Variants in ADAMTS14 observed in about 807,000 individuals in gnomAD.
ADAMTS14 encodes A disintegrin and metalloproteinase with thrombospondin motifs 14.
Under a neutral mutation model 128.6 loss-of-function variants are expected in ADAMTS14, and 100 were observed. That is an observed-to-expected ratio of 0.78 (90% CI 0.66 to 0.92). The LOEUF is 0.92. Among genes scored for constraint, ADAMTS14 ranks in the 40% least tolerant of loss-of-function variants. ADAMTS14 has a pLI of 0.00. For missense variants in ADAMTS14, 1,562 were observed against 1,658.6 expected, an observed-to-expected ratio of 0.94 and a Z score of 1.01; for synonymous variants, 665 against 653.8, an observed-to-expected ratio of 1.02 and a Z score of -0.26.
rs1283378757 is a variant in ADAMTS14, at chr10:70,672,869, G to A, written c.67G>A (p.Gly23Ser). ...GCACTGTGCGCTCTGCGCCGCCGCG[G>A]GCAGCCGGACCCCAGGTGCGTGCGG... ...PLHCALCAAA[G>S]SRTPELHLSG... The change falls in exon 1 of 22, where the codon GGC (glycine) becomes AGC (serine). Residue 23 changes from glycine to serine, a missense_variant. Transcript: ENST00000373207. The A allele has an allele frequency of 4.0e-6, 6 of 1,501,048 alleles. No individual in the cohort carries two copies. Among genetic ancestry groups the A allele is most frequent in the East Asian group, 2.8e-5 (1 of 36,288 alleles). 93.0% of individuals were successfully genotyped at this position (1,501,048 alleles called of 1,614,324 possible). A position where few individuals can be genotyped will look rare whatever the true frequency, so the allele number is the denominator to read the frequency against.
chr10:70,699,441 T>A (rs892327375), intron 2 of ADAMTS14, among the ~76,000 whole-genome samples: 32 of 152,162 alleles, frequency 2.1e-4, no homozygotes, highest in African/African-American at 7.5e-4. Flanking sequence ...GTTAGGAGTG[T>A]CCCTACACAG....
intron 16 of ADAMTS14, among the ~76,000 whole-genome samples, chr10:70,751,074 A>ATACT (rs1842334617): frequency 6.6e-6 from 1 of 152,218 alleles, no homozygotes; most frequent in Admixed American, 6.5e-5. Flanking sequence ...ATGGGGGAAA[A>ATACT]TACTTGCAAG....
At chr10:70,714,818 C>T (rs7078979) in intron 4 of ADAMTS14, among the ~76,000 whole-genome samples, 88,509 of 151,256 alleles carry the variant, frequency 0.59, 26,940 homozygotes, top group East Asian at 0.8. Context: ...TGTGGTGGTG[C>T]GCCTGTAGTT....
chr10:70,735,441 C>A, intron 9 of ADAMTS14, 140 bp downstream of exon 9: 1 of 1,266,858 alleles, frequency 7.9e-7, no homozygotes, highest in Non-Finnish European at 1.1e-6. Context: ...CAGTGCCAGC[C>A]ACCATGCAGG....
chr10:70,686,758 A>T (rs565530977), intron 2 of ADAMTS14, among the ~76,000 whole-genome samples: 1 of 51,646 alleles, frequency 1.9e-5, no homozygotes, highest in Non-Finnish European at 4.1e-5. Context: ...TATTCCACAA[A>T]GCCGCCATTG....
intron 4 of ADAMTS14, among the ~76,000 whole-genome samples, chr10:70,711,022 C>G (rs1840839076): frequency 6.6e-6 from 1 of 152,174 alleles, no homozygotes; most frequent in Non-Finnish European, 1.5e-5. Flanking sequence ...GGCAGGGGAC[C>G]TGTGTTGCTC....
rs1233142374 is a variant in ADAMTS14 at position 70,720,679 on chromosome 10, CACAT to C, written c.871-8611_871-8608del. Among the ~76,000 whole-genome samples the C allele has an allele frequency of 1.4e-4, 21 of 152,354 alleles. No individual in the cohort carries two copies. The East Asian group carries it at 3.9e-3, about 28-fold the overall frequency. On this transcript the variant is annotated intron_variant, in intron 4 of 21. Coordinates refer to ENST00000373207, the MANE Select transcript of ADAMTS14 (RefSeq NM_080722.4). ...ATCCACATACATGCACATGTGTACA[CACAT>C]ACAACACAGGTACCCACACACATGC... is the stretch of plus-strand genomic sequence containing the variant.
intron 21 of ADAMTS14, among the ~76,000 whole-genome samples, chr10:70,759,128 C>CTTTTTTTTTTTTTTTTTTTTTT (rs1564563824): frequency 3.0e-5 from 1 of 32,900 alleles, no homozygotes; most frequent in Non-Finnish European, 7.4e-5. Context: ...CTCCAATCTT[C>CTTTTTTTTTTTTTTTTTTTTTT]TACTTCTCTG....
In ADAMTS14 at chr10:70,748,670, C is replaced by T. The variant is rs1842257600; in HGVS notation, c.2264-1152C>T. On this transcript the variant is annotated intron_variant, in intron 15 of 21. Coordinates refer to ENST00000373207, the MANE Select transcript of ADAMTS14 (RefSeq NM_080722.4). The stretch of plus-strand genomic sequence containing the variant: ...CCATCTGTATTAACAATAGCCCAGC[C>T]CTTAGGATGTATTTAAGGATTGAAC... 3.3e-5 allele frequency among the ~76,000 whole-genome samples: 5 copies of T among 152,296 alleles called. No homozygotes were observed. In the South Asian group the frequency reaches 1.0e-3, roughly 32 times the overall value.
chr10:70,727,866 C>T (rs766401765), intron 4 of ADAMTS14, among the ~76,000 whole-genome samples: 5 of 152,208 alleles, frequency 3.3e-5, no homozygotes, highest in African/African-American at 7.2e-5. Flanking sequence ...GAGGCTGAGG[C>T]GGGTGGATCA....
intron 2 of ADAMTS14, among the ~76,000 whole-genome samples, chr10:70,691,096 A>C (rs1011075191): frequency 1.4e-5 from 2 of 144,886 alleles, no homozygotes; most frequent in Non-Finnish European, 3.2e-5. Context: ...TTGCAGCAGA[A>C]GGCAGTCTCT....
chr10:70,702,526 C>A lies in ADAMTS14; in HGVS notation c.679+58C>A, dbSNP rs934450723. The A allele has an allele frequency of 2.6e-6, 4 of 1,541,790 alleles. No individual in the cohort carries two copies. In the Admixed American group the frequency reaches 5.9e-5, roughly 23 times the overall value. The stretch of plus-strand genomic sequence containing the variant: ...CTCTCCCTACCTCTGGAGTGTTTCC[C>A]GGTCACTTCTGTCCTTAAGCTGTCC... On this transcript the variant is annotated intron_variant, in intron 3 of 21. Transcript: ENST00000373207.
intron 13 of ADAMTS14, 113 bp downstream of exon 13, chr10:70,743,794 C>G (rs1842083928): frequency 7.2e-7 from 1 of 1,390,232 alleles, no homozygotes; most frequent in Non-Finnish European, 9.5e-7. Context: ...CTCGCAACAC[C>G]CTGTTGGTCC....
intron 2 of ADAMTS14, among the ~76,000 whole-genome samples, chr10:70,687,195 C>G (rs1465828622): frequency 9.2e-6 from 1 of 108,182 alleles, no homozygotes; most frequent in Non-Finnish European, 2.1e-5. Context: ...GGCTGACCCC[C>G]CCCACCTCCC....
chr10:70,695,759 G>A (rs1840317025), intron 2 of ADAMTS14, among the ~76,000 whole-genome samples: 1 of 152,198 alleles, frequency 6.6e-6, no homozygotes, highest in South Asian at 2.1e-4. Context: ...CTATCAAGGA[G>A]GCTGTTGGAT....
At position 70,690,657 on chromosome 10, in the gene ADAMTS14, G is replaced by A. The variant is rs1039602683; in HGVS notation, c.523-11655G>A. On this transcript the variant is annotated intron_variant, in intron 2 of 21. Transcript: ENST00000373207. ...GGCCAGGCTGCTGTAGGGCTCATTCGGAGGGGAGGCCTGGCTGGGACAGTG... is the reference window on the plus strand; with the variant it reads ...GGCCAGGCTGCTGTAGGGCTCATTCAGAGGGGAGGCCTGGCTGGGACAGTG... Among the ~76,000 whole-genome samples, 5 of 145,248 alleles carry A rather than the reference G, an allele frequency of 3.4e-5. 1 individual carries two copies. Among genetic ancestry groups the A allele is most frequent in the Non-Finnish European group, 7.9e-5 (5 of 63,482 alleles).
intron 12 of ADAMTS14, among the ~76,000 whole-genome samples, chr10:70,742,222 C>T (rs751260228): frequency 9.2e-5 from 14 of 152,178 alleles, no homozygotes; most frequent in African/African-American, 1.4e-4. Flanking sequence ...AGAGAGCTTC[C>T]GTTGCTGCCC....
Position 70,736,723 on chromosome 10 carries a change from C to A in ADAMTS14, c.1529C>A (p.Pro510His), listed in dbSNP as rs778568352. Residue 510 changes from proline (P) to histidine (H), a missense_variant, in exon 10 of 22, where the codon CCT becomes CAT. By Grantham distance (77) the Pro-to-His change is moderately conservative (BLOSUM62 -2). Transcript: ENST00000373207. ...EPCKQLWCSH[P>H]DNPYFCKTKK... ...TGCAAGCAGCTGTGGTGCAGCCATCCTGACAACCCGTACTTCTGCAAGACC... is the reference window on the plus strand; with the variant it reads ...TGCAAGCAGCTGTGGTGCAGCCATCATGACAACCCGTACTTCTGCAAGACC... 5 of 1,613,928 alleles carry A rather than the reference C, an allele frequency of 3.1e-6. No individual in the cohort carries two copies. Among genetic ancestry groups the A allele is most frequent in the Admixed American group, 1.7e-5 (1 of 60,004 alleles).
At chr10:70,707,822 G>A (rs1473066262) in intron 3 of ADAMTS14, among the ~76,000 whole-genome samples, 1 of 152,170 alleles carries the variant, frequency 6.6e-6, no homozygotes, top group Non-Finnish European at 1.5e-5. Flanking sequence ...TAGCCTGGCA[G>A]CTGTCTTGTA....
Sources: gnomAD v4.1 joint callset for allele counts (sites outside exome capture counted in the v4.1 genomes callset) on GRCh38, gnomAD v4.1.1 for gene constraint, MANE v1.5 for transcripts, NCBI Gene and HGNC (gene_info 2026-07-23, HGNC 2026-07-21) for gene names.